The following RBFOX1 variants were observed in gnomAD, a reference collection of about 807,000 sequenced individuals.
RBFOX1 encodes the protein RNA binding fox-1 homolog 1, also known as RNA binding protein fox-1 homolog 1.
In RBFOX1, 8 loss-of-function variants were observed where a neutral mutation model predicts 57.7. The observed-to-expected ratio is 0.14, with a 90% CI of 0.08 to 0.25. The LOEUF (loss-of-function observed/expected upper bound fraction) is 0.25, where lower values mean the gene tolerates loss of function less well. RBFOX1 is among the 10% of genes least tolerant of loss of function. The pLI is 1.00. For synonymous variants in RBFOX1, 326 were observed against 222.4 expected (o/e 1.47, Z -4.15); for missense variants, 611 against 548.5 (o/e 1.11, Z -1.14).
At chr16:7,073,733 C>T (rs1002422277) in intron 4 of RBFOX1, among the ~76,000 whole-genome samples, 5 of 151,956 alleles carry the variant, frequency 3.3e-5, no homozygotes, top group African/African-American at 9.7e-5. Flanking sequence ...AACGGTGGCA[C>T]ATGCCCTTGG....
Position 7,630,619 on chromosome 16 carries a change from C to T in RBFOX1, c.693C>T (p.Cys231=). The T allele has an allele frequency of 6.2e-7, 1 of 1,614,126 alleles. No individual in the cohort carries two copies. The stretch of plus-strand genomic sequence containing the variant: ...CTTTCGTAGGCACGGTCCTGTTGTG[C>T]CAGGCCAACCAGGAGGGATCTTCCA... ...PEFYAGTVLL[C]QANQEGSSMY... The change falls in exon 11 of 16, where the codon TGC becomes TGT. Residue 231 remains cysteine (C), a synonymous_variant. Coordinates refer to ENST00000550418, the MANE Select transcript of RBFOX1 (RefSeq NM_018723.4).
intron 2 of RBFOX1, among the ~76,000 whole-genome samples, chr16:6,344,400 T>G (rs2152832660): frequency 9.9e-6 from 1 of 100,934 alleles, no homozygotes; most frequent in East Asian, 2.2e-4. Context: ...TCTTTTTTCT[T>G]TTTTTTCTTT....
chr16:6,896,190 T>A (rs912771494), intron 3 of RBFOX1, among the ~76,000 whole-genome samples: 1 of 152,118 alleles, frequency 6.6e-6, no homozygotes, highest in Non-Finnish European at 1.5e-5. Context: ...GGAGAATCAC[T>A]TGAACCTGGC....
intron 4 of RBFOX1, among the ~76,000 whole-genome samples, chr16:7,113,306 C>G (rs1326744093): frequency 6.6e-6 from 1 of 152,008 alleles, no homozygotes; most frequent in South Asian, 2.1e-4. Context: ...AGTTTTTTAT[C>G]TTTTTTTGGA....
At chr16:6,532,405 AG>A (rs1446343210) in intron 2 of RBFOX1, among the ~76,000 whole-genome samples, 1 of 152,170 alleles carries the variant, frequency 6.6e-6, no homozygotes, top group African/African-American at 2.4e-5. Context: ...ACTCCACTCC[AG>A]GGTGGCCCTC....
At chr16:7,674,553 T>C (rs1248126182) in intron 13 of RBFOX1, among the ~76,000 whole-genome samples, 1 of 152,154 alleles carries the variant, frequency 6.6e-6, no homozygotes, top group Non-Finnish European at 1.5e-5. Flanking sequence ...TCAGGAATGC[T>C]CACAAGCAAA....
intron 3 of RBFOX1, among the ~76,000 whole-genome samples, chr16:5,756,146 C>G (rs903241923): frequency 7.0e-6 from 1 of 143,454 alleles, no homozygotes; most frequent in African/African-American, 2.6e-5. Context: ...ACTTACAAAC[C>G]AGAAGGTTCC....
At chr16:5,261,549 GT>G (rs4047465) in intron 1 of RBFOX1, among the ~76,000 whole-genome samples, 19,900 of 120,278 alleles carry the variant, frequency 0.17, 1,074 homozygotes, top group African/African-American at 0.23. Context: ...TGTGTGTATG[GT>G]TTTTTTTTTT....
intron 4 of RBFOX1, among the ~76,000 whole-genome samples, chr16:7,193,828 C>A (rs35125141): frequency 0.015 from 2,294 of 152,248 alleles, 69 homozygotes; most frequent in African/African-American, 0.052. Flanking sequence ...ATTTACGTAA[C>A]TCAAAATGAT....
chr16:6,119,808 C>T (rs562897430), intron 1 of RBFOX1, among the ~76,000 whole-genome samples: 5 of 152,234 alleles, frequency 3.3e-5, no homozygotes, highest in South Asian at 2.1e-4. Context: ...CCCCATTAAC[C>T]TTTTTAGAGT....
chr16:5,625,792 A>G (rs1418549413), intron 3 of RBFOX1, among the ~76,000 whole-genome samples: 2 of 152,106 alleles, frequency 1.3e-5, no homozygotes, highest in Non-Finnish European at 2.9e-5. Flanking sequence ...TCCTGACCTC[A>G]GGTGATCTGT....
intron 3 of RBFOX1, among the ~76,000 whole-genome samples, chr16:7,010,032 GA>G (rs57641451): frequency 4.7e-5 from 7 of 149,596 alleles, no homozygotes; most frequent in African/African-American, 7.3e-5. Context: ...GAACTCTTAA[GA>G]AAAAAAAAAT....
chr16:5,640,640 A>G (rs570305503), intron 3 of RBFOX1, among the ~76,000 whole-genome samples: 1 of 148,860 alleles, frequency 6.7e-6, no homozygotes, highest in Admixed American at 6.7e-5. Context: ...CATACACACA[A>G]ACACATGCAC....
chr16:5,295,702 C>T (rs1314209987), intron 1 of RBFOX1, among the ~76,000 whole-genome samples: 1 of 152,202 alleles, frequency 6.6e-6, no homozygotes, highest in Non-Finnish European at 1.5e-5. Context: ...AGCAAGACAA[C>T]TTAACATCCT....
intron 1 of RBFOX1, among the ~76,000 whole-genome samples, chr16:5,466,394 G>A (rs896111726): frequency 2.0e-5 from 3 of 152,100 alleles, no homozygotes; most frequent in Non-Finnish European, 4.4e-5. Context: ...GGTGAGGGGA[G>A]GAGTTGGGTC....
intron 1 of RBFOX1, among the ~76,000 whole-genome samples, chr16:6,099,990 C>G (rs536916515): frequency 6.6e-6 from 1 of 152,226 alleles, no homozygotes; most frequent in African/African-American, 2.4e-5. Flanking sequence ...GGAGCCATCT[C>G]TAGATAAAAC....
chr16:7,682,715 C>T (rs963243023), intron 14 of RBFOX1, among the ~76,000 whole-genome samples: 2 of 151,548 alleles, frequency 1.3e-5, no homozygotes, highest in African/African-American at 2.4e-5. Context: ...TAGAAAAGCA[C>T]GTCCAGGTTT....
intron 14 of RBFOX1, among the ~76,000 whole-genome samples, chr16:7,700,764 C>T (rs78230664): frequency 0.018 from 2,724 of 152,158 alleles, 78 homozygotes; most frequent in African/African-American, 0.062. Flanking sequence ...TTCTCTACTC[C>T]GAGAGTGGCT....
At chr16:7,537,336 T>C (rs1311574801) in intron 5 of RBFOX1, among the ~76,000 whole-genome samples, 1 of 152,220 alleles carries the variant, frequency 6.6e-6, no homozygotes, top group Non-Finnish European at 1.5e-5. Flanking sequence ...TGTGACAATT[T>C]GGGACGGTAT....
Sources: allele counts gnomAD v4.1 joint callset (sites outside exome capture counted in the v4.1 genomes callset), GRCh38; gene constraint gnomAD v4.1.1; transcripts MANE v1.5; gene names NCBI Gene and HGNC (gene_info 2026-07-23, HGNC 2026-07-21).